CYP4F12: variants seen among roughly 807,000 people sequenced by gnomAD.
The protein encoded by CYP4F12 is cytochrome P450 4F12.
In CYP4F12, 60 loss-of-function variants were observed where a neutral mutation model predicts 56.5. That is an observed-to-expected ratio of 1.06 (90% CI 0.86 to 1.32). The LOEUF (loss-of-function observed/expected upper bound fraction) is 1.32. CYP4F12 is among the 40% of genes most tolerant of loss of function. The probability of loss-of-function intolerance (pLI) is 0.00; values close to 1 mark genes in which losing one functional copy is unlikely to be tolerated. For missense variants in CYP4F12, 711 were observed against 683.5 expected (o/e 1.04, Z -0.45); for synonymous variants, 263 against 264.9 (o/e 0.99, Z 0.07).
At chr19:15,693,031 T>C (rs572617266) in intron 9 of CYP4F12, among the ~76,000 whole-genome samples, 1 of 152,212 alleles carries the variant, frequency 6.6e-6, no homozygotes, top group Admixed American at 6.5e-5. Context: ...TGAGACAAGA[T>C]TGTGTCACTG....
At chr19:15,688,173 A>T (rs1179380818) in intron 9 of CYP4F12, among the ~76,000 whole-genome samples, 1 of 152,158 alleles carries the variant, frequency 6.6e-6, no homozygotes, top group East Asian at 1.9e-4. Context: ...GGAACACTGC[A>T]TGTGTGAGAC....
chr19:15,682,564 T>C (rs191679491), intron 6 of CYP4F12, 54 bp downstream of exon 6: 318 of 1,606,094 alleles, frequency 2.0e-4, no homozygotes, highest in Admixed American at 2.0e-4. Flanking sequence ...AGGGAGAAAG[T>C]TGGGGAGGGA....
intron 2 of CYP4F12, among the ~76,000 whole-genome samples, chr19:15,675,769 C>T (rs74182264): frequency 0.27 from 41,783 of 152,026 alleles, 6,574 homozygotes; most frequent in East Asian, 0.7. Flanking sequence ...GCACCACATC[C>T]GGTGGCTGTG....
At chr19:15,674,403 T>C (rs112875467) in intron 2 of CYP4F12, among the ~76,000 whole-genome samples, 1 of 40,044 alleles carries the variant, frequency 2.5e-5, no homozygotes, top group Non-Finnish European at 5.1e-5. Flanking sequence ...ATTCCTCTCC[T>C]CACTCACTCA....
At chr19:15,679,794 G>GT (rs2007182545) in intron 3 of CYP4F12, among the ~76,000 whole-genome samples, 1 of 152,202 alleles carries the variant, frequency 6.6e-6, no homozygotes, top group Non-Finnish European at 1.5e-5. Flanking sequence ...GGTTCCACCT[G>GT]GGACATGTCT....
chr19:15,686,695 C>CG (rs1568422147), intron 9 of CYP4F12, among the ~76,000 whole-genome samples: 89 of 151,826 alleles, frequency 5.9e-4, no homozygotes, highest in African/African-American at 2.0e-3. Flanking sequence ...AGTGGTTGAG[C>CG]AGGGGAGGGG....
chr19:15,697,132 A>G lies in CYP4F12; in HGVS notation c.*47A>G. 6.3e-7 allele frequency: 1 copy of G among 1,579,398 alleles called. No homozygotes were observed. Among genetic ancestry groups the G allele is most frequent in the Non-Finnish European group, 8.6e-7 (1 of 1,157,392 alleles). Reference sequence around the variant, plus strand: ...TTTTTTGCAGATTGTCATGAATAAAACGGTGCTGTCACCTCTGCCTGGGCC... The same window carrying G: ...TTTTTTGCAGATTGTCATGAATAAAGCGGTGCTGTCACCTCTGCCTGGGCC... On this transcript the variant is annotated 3_prime_UTR_variant, in exon 13 of 13. Coordinates refer to ENST00000550308, the MANE Select transcript of CYP4F12 (RefSeq NM_023944.4).
Position 15,673,734 on chromosome 19 carries a change from G to A in CYP4F12, c.198+7G>A. 1 of 1,613,734 alleles carries A rather than the reference G, an allele frequency of 6.2e-7. No individual in the cohort carries two copies. Among genetic ancestry groups the A allele is most frequent in the East Asian group, 2.2e-5 (1 of 44,872 alleles). On this transcript the variant is annotated splice_region_variant and intron_variant, in intron 2 of 12. Transcript: ENST00000550308. ...TTGGGGTCACCTGGGCCTGGTGAGT[G>A]TGACAGCAAAATGTGTCTGGGGTCT...
intron 9 of CYP4F12, among the ~76,000 whole-genome samples, chr19:15,692,580 C>A (rs1359410736): frequency 6.6e-6 from 1 of 151,996 alleles, no homozygotes; most frequent in Non-Finnish European, 1.5e-5. Context: ...AACTGGAAAG[C>A]CTTCTGGAAA....
intron 3 of CYP4F12, 65 bp downstream of exon 3, chr19:15,678,470 C>T: frequency 1.3e-6 from 2 of 1,596,322 alleles, no homozygotes; most frequent in South Asian, 1.1e-5. Context: ...CTGCAGTACC[C>T]ACGTCCCTCC....
rs141148048 is a variant in CYP4F12, at chr19:15,682,891, C to G, written c.647+381C>G. On this transcript the variant is annotated intron_variant, in intron 6 of 12. Coordinates refer to ENST00000550308, the MANE Select transcript of CYP4F12 (RefSeq NM_023944.4). The stretch of plus-strand genomic sequence containing the variant: ...TGTGTGGGAAACTGATAGCCCACCA[C>G]CACGCCCAGCTAATTTCTGTATTTT... 8.7e-3 allele frequency among the ~76,000 whole-genome samples: 1,331 copies of G among 152,274 alleles called. 15 individuals carry two copies. The highest frequency in any genetic ancestry group is 0.03 in the African/African-American group (1,264 of 41,522).
At chr19:15,680,657 T>G in intron 5 of CYP4F12, 138 bp downstream of exon 5, 1 of 1,126,632 alleles carries the variant, frequency 8.9e-7, no homozygotes, top group Non-Finnish European at 1.3e-6. Flanking sequence ...TCCTCATCTG[T>G]AAAATGGGGA....
At chr19:15,686,364 G>A (rs1010905387) in intron 9 of CYP4F12, among the ~76,000 whole-genome samples, 7 of 152,178 alleles carry the variant, frequency 4.6e-5, no homozygotes, top group Non-Finnish European at 7.3e-5. Flanking sequence ...GGATGCAGTA[G>A]TGCCCTAGGT....
intron 5 of CYP4F12, chr19:15,682,157 T>C (rs2007334878): frequency 4.5e-6 from 2 of 443,510 alleles, no homozygotes; most frequent in Non-Finnish European, 8.3e-6. Flanking sequence ...ACATAGAGCA[T>C]AGGAGACAGA....
chr19:15,686,522 A>G (rs1438603311), intron 9 of CYP4F12, among the ~76,000 whole-genome samples: 1 of 152,150 alleles, frequency 6.6e-6, no homozygotes, highest in East Asian at 1.9e-4. Context: ...CAAGATAAAG[A>G]GAGGAGGGAA....
At chr19:15,696,377 G>C (rs1403407257) in intron 11 of CYP4F12, 53 bp from the exon 12 acceptor site, 4 of 1,613,244 alleles carry the variant, frequency 2.5e-6, no homozygotes, top group Non-Finnish European at 3.4e-6. Context: ...GTCTCTCCAA[G>C]GCTGCTGGAC....
At chr19:15,688,695 C>T (rs1025251709) in intron 9 of CYP4F12, among the ~76,000 whole-genome samples, 11 of 152,118 alleles carry the variant, frequency 7.2e-5, no homozygotes, top group Non-Finnish European at 1.0e-4. Flanking sequence ...ATCACATTAC[C>T]GGACTTCAAA....
chr19:15,691,500 TA>T (rs893346988), intron 9 of CYP4F12, among the ~76,000 whole-genome samples: 2 of 152,190 alleles, frequency 1.3e-5, no homozygotes, highest in African/African-American at 4.8e-5. Context: ...TTATTAAATT[TA>T]AATTTTTTGT....
rs1235585539 is a variant in CYP4F12, at chr19:15,680,308, G to A, written c.397+11G>A. The A allele has an allele frequency of 1.9e-6, 3 of 1,612,692 alleles. No homozygotes were observed. The African/African-American group carries it at 4.0e-5, about 22-fold the overall frequency. ...TGAAGCCCTGGCTGGGTGAGTACCTGCAGGTGAAAGGGGTTGGGGACAACC... is the reference window on the plus strand; with the variant it reads ...TGAAGCCCTGGCTGGGTGAGTACCTACAGGTGAAAGGGGTTGGGGACAACC... On this transcript the variant is annotated intron_variant, in intron 4 of 12. Transcript: ENST00000550308.
Sources: gnomAD v4.1 joint callset for allele counts (sites outside exome capture counted in the v4.1 genomes callset) on GRCh38, gnomAD v4.1.1 for gene constraint, MANE v1.5 for transcripts, NCBI Gene and HGNC (gene_info 2026-07-23, HGNC 2026-07-21) for gene names.